ZBTB7C: variants seen among roughly 807,000 people sequenced by gnomAD.
The protein encoded by ZBTB7C is zinc finger and BTB domain containing 7C.
ZBTB7C carries 8 observed loss-of-function variants against 25.7 expected under a neutral mutation model. The observed-to-expected ratio is 0.31, with a 90% confidence interval of 0.18 to 0.56. ZBTB7C has a LOEUF of 0.56. ZBTB7C is among the 20% of genes least tolerant of loss of function. The probability of loss-of-function intolerance (pLI) is 0.91; values close to 1 mark genes in which losing one functional copy is unlikely to be tolerated. For missense variants in ZBTB7C, 824 were observed against 855.2 expected (o/e 0.96, Z 0.46); for synonymous variants, 394 against 369.0 (o/e 1.07, Z -0.78).
intron 2 of ZBTB7C, among the ~76,000 whole-genome samples, chr18:48,191,417 C>T (rs548845386): frequency 6.6e-6 from 1 of 152,352 alleles, no homozygotes; most frequent in African/African-American, 2.4e-5. Context: ...ACGCTACCTA[C>T]ATCCTATTTC....
intron 1 of ZBTB7C, among the ~76,000 whole-genome samples, chr18:48,351,743 G>A (rs2046867327): frequency 6.6e-6 from 1 of 152,190 alleles, no homozygotes; most frequent in African/African-American, 2.4e-5. Flanking sequence ...AGCAGTGACT[G>A]ATTAAGATTT....
chr18:48,030,778 G>A (rs1475717125), intron 4 of ZBTB7C, among the ~76,000 whole-genome samples: 3 of 152,172 alleles, frequency 2.0e-5, no homozygotes, highest in Non-Finnish European at 4.4e-5. Flanking sequence ...CATTGTCCAG[G>A]GCTCATGGAA....
At chr18:48,407,452 G>A (rs1015091821) in intron 1 of ZBTB7C, among the ~76,000 whole-genome samples, 1 of 152,172 alleles carries the variant, frequency 6.6e-6, no homozygotes, top group African/African-American at 2.4e-5. Context: ...TACCACATTC[G>A]CTGGCAAGCA....
At chr18:48,097,293 T>C (rs1256885988) in intron 3 of ZBTB7C, among the ~76,000 whole-genome samples, 3 of 152,114 alleles carry the variant, frequency 2.0e-5, no homozygotes, top group African/African-American at 4.8e-5. Context: ...TGTCTGTAGA[T>C]AGGAAGTGGG....
intron 2 of ZBTB7C, among the ~76,000 whole-genome samples, chr18:48,267,074 G>T (rs2044337222): frequency 2.6e-5 from 4 of 152,168 alleles, no homozygotes; most frequent in Non-Finnish European, 5.9e-5. Context: ...TGGCTGCAGT[G>T]AACACCCTGG....
intron 2 of ZBTB7C, among the ~76,000 whole-genome samples, chr18:48,238,374 AC>A (rs1162185803): frequency 2.6e-5 from 4 of 152,224 alleles, no homozygotes; most frequent in African/African-American, 9.6e-5. Context: ...ACAGGAACAT[AC>A]CAGGAAAACC....
At chr18:48,258,359 A>C (rs1477193663) in intron 2 of ZBTB7C, among the ~76,000 whole-genome samples, 2 of 152,220 alleles carry the variant, frequency 1.3e-5, no homozygotes, top group East Asian at 3.9e-4. Flanking sequence ...AGAACTAGTA[A>C]GAGAGTTGTA....
intron 3 of ZBTB7C, among the ~76,000 whole-genome samples, chr18:48,118,447 A>C (rs1382470787): frequency 2.0e-5 from 3 of 152,228 alleles, no homozygotes; most frequent in Admixed American, 1.3e-4. Flanking sequence ...TTATAGGGTT[A>C]ATATATTAAC....
intron 3 of ZBTB7C, among the ~76,000 whole-genome samples, chr18:48,060,194 G>A (rs1226354830): frequency 6.6e-6 from 1 of 152,172 alleles, no homozygotes; most frequent in Non-Finnish European, 1.5e-5. Flanking sequence ...CAAATGAGAG[G>A]AATTTTTAGC....
chr18:48,276,092 T>A (rs1419133736), intron 2 of ZBTB7C, among the ~76,000 whole-genome samples: 1 of 151,994 alleles, frequency 6.6e-6, no homozygotes, highest in Non-Finnish European at 1.5e-5. Context: ...GGGTAAAAGA[T>A]CATTGAGACA....
chr18:48,074,311 G>A (rs527708924), intron 3 of ZBTB7C, among the ~76,000 whole-genome samples: 4 of 152,304 alleles, frequency 2.6e-5, no homozygotes, highest in Non-Finnish European at 5.9e-5. Context: ...ACCACGCCCG[G>A]CCCATTATGA....
At chr18:48,084,798 G>C (rs553910899) in intron 3 of ZBTB7C, among the ~76,000 whole-genome samples, 2 of 152,294 alleles carry the variant, frequency 1.3e-5, no homozygotes, top group African/African-American at 4.8e-5. Context: ...ACTTGGCAAG[G>C]CAGAGACAGA....
At chr18:48,381,810 C>G (rs1385945497) in intron 1 of ZBTB7C, among the ~76,000 whole-genome samples, 1 of 152,198 alleles carries the variant, frequency 6.6e-6, no homozygotes, top group Non-Finnish European at 1.5e-5. Flanking sequence ...ACTGGCCACT[C>G]TTTGGGACAT....
At chr18:48,382,167 A>G (rs999282680) in intron 1 of ZBTB7C, among the ~76,000 whole-genome samples, 1 of 152,248 alleles carries the variant, frequency 6.6e-6, no homozygotes, top group African/African-American at 2.4e-5. Flanking sequence ...TGGGAAGCCA[A>G]TGCCTAAAAC....
chr18:48,365,250 G>A (rs980743398), intron 1 of ZBTB7C, among the ~76,000 whole-genome samples: 3 of 152,202 alleles, frequency 2.0e-5, no homozygotes, highest in African/African-American at 7.2e-5. Context: ...TCATGTGGAA[G>A]TACAGATCTG....
intron 3 of ZBTB7C, among the ~76,000 whole-genome samples, chr18:48,093,045 C>A (rs150443285): frequency 6.6e-6 from 1 of 152,300 alleles, no homozygotes; most frequent in African/African-American, 2.4e-5. Flanking sequence ...GGTAATTCAA[C>A]AGAGAGAATG....
rs376174794 is a variant in ZBTB7C, at chr18:48,115,057, A to C, written c.-17+70877T>G. Among the ~76,000 whole-genome samples the C allele has an allele frequency of 3.2e-4, 48 of 152,328 alleles. 1 individual carries two copies. Among genetic ancestry groups the C allele is most frequent in the East Asian group, 2.9e-3 (15 of 5,184 alleles). On this transcript the variant is annotated intron_variant, in intron 3 of 4. Transcript: ENST00000590800. ...TTATCACCCCAAACAGAAACTATTC[A>C]TTAAGCAATAATTCCCCCATTTCCC...
chr18:48,318,805 C>T (rs536637919), intron 2 of ZBTB7C, among the ~76,000 whole-genome samples: 6 of 152,306 alleles, frequency 3.9e-5, no homozygotes, highest in East Asian at 1.9e-4. Context: ...AGGCCCCCGC[C>T]GTCTTCTGGG....
chr18:48,113,462 C>T (rs1598902320), intron 3 of ZBTB7C, among the ~76,000 whole-genome samples: 1 of 152,206 alleles, frequency 6.6e-6, no homozygotes, highest in Non-Finnish European at 1.5e-5. Flanking sequence ...TGGAGCCCCT[C>T]CCCTGGAACT....
Sources: allele counts gnomAD v4.1 joint callset (sites outside exome capture counted in the v4.1 genomes callset), GRCh38; gene constraint gnomAD v4.1.1; transcripts MANE v1.5; gene names NCBI Gene and HGNC (gene_info 2026-07-23, HGNC 2026-07-21).